Variants in RBFOX2 observed in about 807,000 individuals in gnomAD.
RBFOX2 encodes the protein RNA binding protein fox-1 homolog 2.
RBFOX2 carries 10 observed loss-of-function variants against 49.1 expected under a neutral mutation model. The ratio of observed to expected loss-of-function variants is 0.20; its 90% CI spans 0.13 to 0.35. The LOEUF (loss-of-function observed/expected upper bound fraction) is 0.35, where lower values mean the gene tolerates loss of function less well. RBFOX2 is among the 10% of genes least tolerant of loss of function. RBFOX2 has a pLI of 1.00. For missense variants in RBFOX2, 323 were observed against 486.9 expected (o/e 0.66, Z 3.17); for synonymous variants, 183 against 187.4 (o/e 0.98, Z 0.19).
chr22:35,897,246 G>A, intron 1 of RBFOX2: 1 of 1,428,256 alleles, frequency 7.0e-7, no homozygotes, highest in Non-Finnish European at 9.8e-7. Flanking sequence ...CCAAAACCAA[G>A]AGTTGCTCGG....
chr22:35,817,694 C>T (rs899078572), intron 1 of RBFOX2, among the ~76,000 whole-genome samples: 9 of 151,946 alleles, frequency 5.9e-5, no homozygotes, highest in African/African-American at 1.9e-4. Flanking sequence ...GTGGGTATAA[C>T]TAAAGAATCA....
At chr22:35,992,116 C>T (rs2058007590) in intron 1 of RBFOX2, among the ~76,000 whole-genome samples, 1 of 152,182 alleles carries the variant, frequency 6.6e-6, no homozygotes, top group South Asian at 2.1e-4. Context: ...CTCTTAACCA[C>T]TGAGCTCCAC....
intron 1 of RBFOX2, among the ~76,000 whole-genome samples, chr22:36,026,637 C>T (rs2146612586): frequency 6.6e-6 from 1 of 152,218 alleles, no homozygotes; most frequent in Admixed American, 6.5e-5. Flanking sequence ...AATATTAGCT[C>T]ACCTCACCTG....
At chr22:35,891,676 A>G (rs1403871311) in intron 1 of RBFOX2, among the ~76,000 whole-genome samples, 1 of 152,198 alleles carries the variant, frequency 6.6e-6, no homozygotes, top group African/African-American at 2.4e-5. Flanking sequence ...GTTTTCTGGT[A>G]ATTTAAGTAA....
chr22:35,822,024 C>A, intron 1 of RBFOX2: 1 of 508,398 alleles, frequency 2.0e-6, no homozygotes, highest in Non-Finnish European at 3.9e-6. Flanking sequence ...ATCAGCAAGG[C>A]CTATTACAAA....
chr22:35,839,445 T>C (rs1958318626), intron 1 of RBFOX2, among the ~76,000 whole-genome samples: 1 of 146,110 alleles, frequency 6.8e-6, no homozygotes, highest in South Asian at 2.2e-4. Context: ...AGAGAGTGAG[T>C]GGGAGTGGGA....
In RBFOX2 at chr22:35,926,420, A is replaced by G. The variant is rs191794440; in HGVS notation, c.-34+12427T>C. On this transcript the variant is annotated intron_variant, in intron 1 of 13. Transcript: ENST00000359369. ...AGTCAGATAATTCTTTTTGATGGTCACATTAAACCTCTCATTACAATACAA... is the reference window on the plus strand; with the variant it reads ...AGTCAGATAATTCTTTTTGATGGTCGCATTAAACCTCTCATTACAATACAA... 6.8e-4 allele frequency among the ~76,000 whole-genome samples: 104 copies of G among 152,364 alleles called. 1 individual carries two copies. The South Asian group carries it at 9.3e-3, about 14-fold the overall frequency.
chr22:35,828,782 T>A (rs1206490327), intron 1 of RBFOX2, among the ~76,000 whole-genome samples: 1 of 152,208 alleles, frequency 6.6e-6, no homozygotes, highest in Non-Finnish European at 1.5e-5. Context: ...TCGGGCGTGG[T>A]GGCTCATGCC....
intron 1 of RBFOX2, among the ~76,000 whole-genome samples, chr22:35,955,724 C>CT (rs2055473151): frequency 6.6e-6 from 1 of 152,110 alleles, no homozygotes; most frequent in Admixed American, 6.5e-5. Context: ...GGCAGTAGTG[C>CT]TTGCTGCTCA....
intron 1 of RBFOX2, among the ~76,000 whole-genome samples, chr22:35,915,479 T>A (rs962959954): frequency 6.6e-6 from 1 of 152,220 alleles, no homozygotes; most frequent in Admixed American, 6.5e-5. Context: ...AAAATACTTT[T>A]GTTTTATGCA....
At chr22:35,885,949 C>T (rs1485724417) in intron 1 of RBFOX2, among the ~76,000 whole-genome samples, 4 of 149,834 alleles carry the variant, frequency 2.7e-5, no homozygotes, top group African/African-American at 4.9e-5. Flanking sequence ...CTCCACCTCC[C>T]GGGTCCACGC....
At chr22:35,897,635 C>G in intron 1 of RBFOX2, 1 of 1,388,706 alleles carries the variant, frequency 7.2e-7, no homozygotes, top group Non-Finnish European at 1.0e-6. Context: ...CCATTGGCAT[C>G]AGGATCCTTA....
At chr22:36,009,068 T>C (rs560807454) in intron 1 of RBFOX2, among the ~76,000 whole-genome samples, 1 of 152,322 alleles carries the variant, frequency 6.6e-6, no homozygotes, top group South Asian at 2.1e-4. Flanking sequence ...TAATATCTCA[T>C]GCATTTGCTT....
chr22:35,889,109 C>T lies in RBFOX2; in HGVS notation c.-34+49738G>A, dbSNP rs151065905. Reference sequence around the variant, plus strand: ...GGCGAAGGGTGCAGTGAGCCAAGATCATGCCACTGTGCTCCAGGGTGGGTG... The same window carrying T: ...GGCGAAGGGTGCAGTGAGCCAAGATTATGCCACTGTGCTCCAGGGTGGGTG... On this transcript the variant is annotated intron_variant, in intron 1 of 13. Transcript: ENST00000359369. Among the ~76,000 whole-genome samples, 446 of 152,212 alleles carry T rather than the reference C, an allele frequency of 2.9e-3. 1 individual carries two copies. The highest frequency in any genetic ancestry group is 4.7e-3 in the Non-Finnish European group (321 of 68,018).
intron 1 of RBFOX2, among the ~76,000 whole-genome samples, chr22:36,027,997 T>C (rs1486716578): frequency 6.6e-6 from 1 of 151,920 alleles, no homozygotes; most frequent in Non-Finnish European, 1.5e-5. Context: ...CCAAAACCTA[T>C]CCACTCGTCG....
chr22:36,022,222 T>C (rs904703359), intron 1 of RBFOX2, among the ~76,000 whole-genome samples: 4 of 152,254 alleles, frequency 2.6e-5, no homozygotes, highest in Admixed American at 1.3e-4. Flanking sequence ...AGAGATTCAC[T>C]AGCAACATTC....
intron 1 of RBFOX2, among the ~76,000 whole-genome samples, chr22:36,007,761 A>G (rs1410194716): frequency 2.0e-5 from 3 of 152,188 alleles, no homozygotes; most frequent in Non-Finnish European, 4.4e-5. Context: ...CTTTATACAA[A>G]TAACAGCAAA....
At chr22:35,935,059 C>T (rs922733479) in intron 1 of RBFOX2, among the ~76,000 whole-genome samples, 1 of 152,082 alleles carries the variant, frequency 6.6e-6, no homozygotes, top group Non-Finnish European at 1.5e-5. Context: ...CTCAGCCTCC[C>T]GAGTAGCTGG....
intron 1 of RBFOX2, among the ~76,000 whole-genome samples, chr22:35,850,735 C>T (rs2041845080): frequency 6.6e-6 from 1 of 152,052 alleles, no homozygotes; most frequent in Non-Finnish European, 1.5e-5. Context: ...TGACAAAGCA[C>T]AATAGGTTCA....
Sources: allele counts gnomAD v4.1 joint callset (sites outside exome capture counted in the v4.1 genomes callset), GRCh38; gene constraint gnomAD v4.1.1; transcripts MANE v1.5; gene names NCBI Gene and HGNC (gene_info 2026-07-23, HGNC 2026-07-21).